Variants in DOK6 observed in about 807,000 individuals in gnomAD.
The protein encoded by DOK6 is docking protein 6, also known as downstream of tyrosine kinase 6.
DOK6 carries 22 observed loss-of-function variants against 44.0 expected under a neutral mutation model. The ratio of observed to expected loss-of-function variants is 0.50; its 90% confidence interval spans 0.36 to 0.71. DOK6 has a LOEUF of 0.71. Among genes scored for constraint, DOK6 ranks in the 30% least tolerant of loss-of-function variants. The pLI is 0.00. For missense variants in DOK6, 340 were observed against 416.4 expected, an observed-to-expected ratio of 0.82 and a Z score of 1.60; for synonymous variants, 166 against 145.5, an observed-to-expected ratio of 1.14 and a Z score of -1.01.
chr18:69,477,488 A>G (rs1163625278), intron 1 of DOK6, among the ~76,000 whole-genome samples: 1 of 152,208 alleles, frequency 6.6e-6, no homozygotes, highest in African/African-American at 2.4e-5. Context: ...TAGCTGTACC[A>G]TTCATTTTTT....
chr18:69,745,482 T>C (rs1978955378), intron 6 of DOK6, among the ~76,000 whole-genome samples: 1 of 152,226 alleles, frequency 6.6e-6, no homozygotes, highest in Admixed American at 6.5e-5. Flanking sequence ...AAGTATTTTT[T>C]AAATGTAGGC....
At chr18:69,772,558 C>T (rs1274698792) in intron 7 of DOK6, among the ~76,000 whole-genome samples, 1 of 151,956 alleles carries the variant, frequency 6.6e-6, no homozygotes, top group African/African-American at 2.4e-5. Flanking sequence ...AAACAAATCG[C>T]AACATTATAA....
chr18:69,615,012 A>T (rs963742981), intron 3 of DOK6, among the ~76,000 whole-genome samples: 2 of 152,102 alleles, frequency 1.3e-5, no homozygotes, highest in African/African-American at 4.8e-5. Flanking sequence ...AGATTATAGA[A>T]CTTTTCATCT....
chr18:69,511,968 G>A (rs1981377658), intron 1 of DOK6, among the ~76,000 whole-genome samples: 1 of 152,110 alleles, frequency 6.6e-6, no homozygotes, highest in African/African-American at 2.4e-5. Context: ...AGATTGGACT[G>A]ATAATATCAG....
intron 5 of DOK6, among the ~76,000 whole-genome samples, chr18:69,709,199 G>T (rs926884864): frequency 2.0e-5 from 3 of 152,100 alleles, no homozygotes; most frequent in Non-Finnish European, 4.4e-5. Context: ...TACTTTAATG[G>T]TGGTAATAAC....
intron 1 of DOK6, among the ~76,000 whole-genome samples, chr18:69,563,668 G>C (rs1982897317): frequency 6.7e-6 from 1 of 148,792 alleles, no homozygotes. Flanking sequence ...GGGGGAGGGG[G>C]GAAGGATAGC....
chr18:69,623,615 T>G (rs2144640282), intron 3 of DOK6, among the ~76,000 whole-genome samples: 1 of 152,264 alleles, frequency 6.6e-6, no homozygotes, highest in Admixed American at 6.5e-5. Context: ...CCCAGCCAAC[T>G]GTTAGCTCTA....
At position 69,834,067 on chromosome 18, in the gene DOK6, G is replaced by A. The variant is rs79591649; in HGVS notation, c.857-7177G>A. Among the ~76,000 whole-genome samples, 372 of 152,226 alleles carry A rather than the reference G, an allele frequency of 2.4e-3. 3 individuals are homozygous for A. Among genetic ancestry groups the A allele is most frequent in the African/African-American group, 8.5e-3 (352 of 41,554 alleles). On this transcript the variant is annotated intron_variant, in intron 7 of 7. Coordinates refer to ENST00000382713, the MANE Select transcript of DOK6 (RefSeq NM_152721.6). ...GAAAGGAAATTAGTATGTCAAGGAG[G>A]TATTTGCATTCCCATGTTTATTGCA...
At chr18:69,534,589 G>A (rs900694162) in intron 1 of DOK6, among the ~76,000 whole-genome samples, 4 of 150,090 alleles carry the variant, frequency 2.7e-5, no homozygotes, top group Non-Finnish European at 5.9e-5. Flanking sequence ...CTTGTTCTTT[G>A]TTTTTTTCCA....
intron 2 of DOK6, among the ~76,000 whole-genome samples, chr18:69,574,481 C>T (rs1055985003): frequency 1.3e-5 from 2 of 151,986 alleles, no homozygotes; most frequent in East Asian, 1.9e-4. Flanking sequence ...TTACCAAGGA[C>T]GTGACACTTA....
At chr18:69,599,585 C>T in intron 3 of DOK6, 87 bp downstream of exon 3, 5 of 1,015,710 alleles carry the variant, frequency 4.9e-6, no homozygotes, top group Non-Finnish European at 7.4e-6. Context: ...CACTATTGAA[C>T]AGGATGGCCT....
chr18:69,495,541 T>G (rs1420317208), intron 1 of DOK6, among the ~76,000 whole-genome samples: 2 of 152,054 alleles, frequency 1.3e-5, no homozygotes, highest in Admixed American at 6.5e-5. Flanking sequence ...TCTATAGGCA[T>G]TCAAAGGGGA....
intron 1 of DOK6, among the ~76,000 whole-genome samples, chr18:69,482,503 A>G (rs987270574): frequency 1.2e-4 from 18 of 152,182 alleles, no homozygotes; most frequent in Admixed American, 2.6e-4. Flanking sequence ...TTTGTATCCC[A>G]TGGAATTTAG....
chr18:69,585,601 C>G lies in DOK6; in HGVS notation c.175-13783C>G, dbSNP rs553187611. 2.0e-5 allele frequency among the ~76,000 whole-genome samples: 3 copies of G among 152,226 alleles called. 1 individual carries two copies. The highest frequency in any genetic ancestry group is 7.2e-5 in the African/African-American group (3 of 41,540). ...CTTCCTTGTCGGATAATTTTGTCAC[C>G]TGTGATTAAATATAATGTGTCTTTT... On this transcript the variant is annotated intron_variant, in intron 2 of 7. Transcript: ENST00000382713.
At chr18:69,497,164 CCTT>C (rs1980914439) in intron 1 of DOK6, among the ~76,000 whole-genome samples, 1 of 152,116 alleles carries the variant, frequency 6.6e-6, no homozygotes, top group South Asian at 2.1e-4. Context: ...AATATGTAAT[CCTT>C]CTAAAATATT....
At chr18:69,750,830 G>A (rs545789253) in intron 6 of DOK6, among the ~76,000 whole-genome samples, 4 of 152,278 alleles carry the variant, frequency 2.6e-5, no homozygotes, top group Middle Eastern at 3.4e-3. Flanking sequence ...CAGCATAAGT[G>A]TTTATCAACA....
At chr18:69,610,377 A>T (rs940152399) in intron 3 of DOK6, among the ~76,000 whole-genome samples, 2 of 152,242 alleles carry the variant, frequency 1.3e-5, no homozygotes. Context: ...ATAAGCATAT[A>T]CACTAATACA....
At chr18:69,804,538 T>C (rs1186666266) in intron 7 of DOK6, among the ~76,000 whole-genome samples, 1 of 152,212 alleles carries the variant, frequency 6.6e-6, no homozygotes, top group Non-Finnish European at 1.5e-5. Flanking sequence ...TGATAAATTA[T>C]ACACATTATA....
chr18:69,500,000 T>C (rs1981002595), intron 1 of DOK6, among the ~76,000 whole-genome samples: 1 of 152,162 alleles, frequency 6.6e-6, no homozygotes, highest in Non-Finnish European at 1.5e-5. Context: ...ATGTAGAATA[T>C]GTAAATGGAT....
Sources: gnomAD v4.1 joint callset for allele counts (sites outside exome capture counted in the v4.1 genomes callset) on GRCh38, gnomAD v4.1.1 for gene constraint, MANE v1.5 for transcripts, NCBI Gene and HGNC (gene_info 2026-07-23, HGNC 2026-07-21) for gene names.